DGKI: variants seen among roughly 807,000 people sequenced by gnomAD.
The protein encoded by DGKI is DAG kinase iota.
In DGKI, 55 loss-of-function variants were observed where a neutral mutation model predicts 147.5. The observed-to-expected ratio is 0.37, with a 90% confidence interval of 0.30 to 0.47. The LOEUF (loss-of-function observed/expected upper bound fraction) is 0.47, where lower values mean the gene tolerates loss of function less well. Ranked by LOEUF, DGKI falls within the 20% of genes least tolerant of loss-of-function variation. The pLI is 1.00. For synonymous variants in DGKI, 469 were observed against 477.1 expected, an observed-to-expected ratio of 0.98 and a Z score of 0.22; for missense variants, 1,007 against 1,323.8, an observed-to-expected ratio of 0.76 and a Z score of 3.71.
chr7:137,789,709 C>G (rs1324815726), intron 1 of DGKI, among the ~76,000 whole-genome samples: 1 of 152,190 alleles, frequency 6.6e-6, no homozygotes, highest in African/African-American at 2.4e-5. Context: ...ACAAGAACCA[C>G]AGTCAGAACG....
chr7:137,519,574 C>A lies in DGKI; in HGVS notation c.2248+2292G>T, dbSNP rs116059688. ...GTCCCTTTTATCTAGATGTGTTGTG[C>A]AAATTTCACTTAATTAATGCTTCTG... is the stretch of plus-strand genomic sequence containing the variant. On this transcript the variant is annotated intron_variant, in intron 21 of 32. Coordinates refer to ENST00000614521, the MANE Select transcript of DGKI (RefSeq NM_001321708.2). Among the ~76,000 whole-genome samples the A allele has an allele frequency of 4.0e-3, 605 of 152,090 alleles. 3 individuals carry two copies. Among genetic ancestry groups the A allele is most frequent in the African/African-American group, 0.014 (570 of 41,526 alleles).
At chr7:137,593,898 C>T (rs1271141254) in intron 12 of DGKI, among the ~76,000 whole-genome samples, 1 of 152,150 alleles carries the variant, frequency 6.6e-6, no homozygotes, top group Non-Finnish European at 1.5e-5. Flanking sequence ...CTATAAGAAC[C>T]TTAGAGATCT....
intron 28 of DGKI, among the ~76,000 whole-genome samples, chr7:137,439,383 G>C (rs1442572253): frequency 6.6e-6 from 1 of 152,148 alleles, no homozygotes; most frequent in Non-Finnish European, 1.5e-5. Context: ...GTTCCATATG[G>C]CTGGGGAGGC....
chr7:137,634,675 C>T (rs1400640128), intron 6 of DGKI, among the ~76,000 whole-genome samples: 11 of 152,128 alleles, frequency 7.2e-5, no homozygotes, highest in Admixed American at 7.2e-4. Context: ...TATTACAGTA[C>T]CAGGTCTCTC....
intron 1 of DGKI, among the ~76,000 whole-genome samples, chr7:137,748,105 T>C (rs76332570): frequency 0.014 from 2,131 of 152,298 alleles, 53 homozygotes; most frequent in African/African-American, 0.049. Context: ...CCTATCTATA[T>C]AACATCATTT....
At chr7:137,464,489 G>A (rs963192134) in intron 26 of DGKI, among the ~76,000 whole-genome samples, 1 of 152,146 alleles carries the variant, frequency 6.6e-6, no homozygotes, top group Non-Finnish European at 1.5e-5. Flanking sequence ...GCCCCACGAA[G>A]TTGGCCTTCC....
chr7:137,471,968 T>TATAC (rs1414168029), intron 23 of DGKI, among the ~76,000 whole-genome samples: 1 of 140,728 alleles, frequency 7.1e-6, no homozygotes, highest in African/African-American at 2.6e-5. Flanking sequence ...ATATATTATA[T>TATAC]ACATGTGTAT....
At chr7:137,533,404 G>C (rs1475286078) in intron 20 of DGKI, among the ~76,000 whole-genome samples, 1 of 152,020 alleles carries the variant, frequency 6.6e-6, no homozygotes, top group African/African-American at 2.4e-5. Context: ...GAAAAAGAAA[G>C]AAAATAATGG....
intron 1 of DGKI, among the ~76,000 whole-genome samples, chr7:137,761,433 T>C (rs1442782835): frequency 6.6e-6 from 1 of 152,242 alleles, no homozygotes; most frequent in Non-Finnish European, 1.5e-5. Context: ...CACCTGGTTA[T>C]TGTGGTGATT....
At chr7:137,618,304 C>T (rs1820622360) in intron 8 of DGKI, among the ~76,000 whole-genome samples, 1 of 149,120 alleles carries the variant, frequency 6.7e-6, no homozygotes, top group Non-Finnish European at 1.5e-5. Context: ...CTGCATAAAC[C>T]CTGCACTTTG....
intron 19 of DGKI, among the ~76,000 whole-genome samples, chr7:137,555,642 AATT>A (rs1237077308): frequency 6.6e-6 from 1 of 152,192 alleles, no homozygotes; most frequent in East Asian, 1.9e-4. Flanking sequence ...ATAAGAAAGA[AATT>A]TCGTGGAAAA....
At chr7:137,745,893 T>C (rs187215944) in intron 1 of DGKI, among the ~76,000 whole-genome samples, 62 of 152,222 alleles carry the variant, frequency 4.1e-4, no homozygotes, top group African/African-American at 1.1e-3. Context: ...GCACCTCAAA[T>C]TGCAAAAATT....
chr7:137,722,477 T>C, intron 1 of DGKI: 1 of 1,610,982 alleles, frequency 6.2e-7, no homozygotes, highest in South Asian at 1.1e-5. Flanking sequence ...AGGGTGGTTT[T>C]CCTGAAGCAG....
intron 1 of DGKI, among the ~76,000 whole-genome samples, chr7:137,832,167 G>A (rs536586885): frequency 8.1e-4 from 124 of 152,296 alleles, no homozygotes; most frequent in Non-Finnish European, 1.4e-3. Flanking sequence ...GCAAGCTGTC[G>A]GTGGAACTAC....
At chr7:137,679,409 T>G (rs1038996275) in intron 2 of DGKI, among the ~76,000 whole-genome samples, 23 of 151,828 alleles carry the variant, frequency 1.5e-4, no homozygotes, top group Non-Finnish European at 2.4e-4. Flanking sequence ...AAACTGTTTT[T>G]TTTTTTTTTT....
chr7:137,480,533 T>C (rs1161884610), intron 23 of DGKI, among the ~76,000 whole-genome samples: 4 of 151,972 alleles, frequency 2.6e-5, no homozygotes, highest in East Asian at 1.9e-4. Context: ...AGAGCAGGCA[T>C]GTAGGAACAA....
chr7:137,525,612 G>T (rs920157532), intron 20 of DGKI, among the ~76,000 whole-genome samples: 1 of 152,056 alleles, frequency 6.6e-6, no homozygotes, highest in Non-Finnish European at 1.5e-5. Context: ...TTTCCTCATA[G>T]GTAAAGTGGA....
At chr7:137,582,932 A>T (rs905344482) in intron 14 of DGKI, among the ~76,000 whole-genome samples, 1 of 152,188 alleles carries the variant, frequency 6.6e-6, no homozygotes, top group South Asian at 2.1e-4. Flanking sequence ...TTTGTGTCCC[A>T]AATTGAACTG....
At chr7:137,632,426 C>T (rs1821152970) in intron 6 of DGKI, among the ~76,000 whole-genome samples, 1 of 152,198 alleles carries the variant, frequency 6.6e-6, no homozygotes, top group East Asian at 1.9e-4. Flanking sequence ...AAAGGACCTA[C>T]ATCCATTAAC....
Sources: allele counts gnomAD v4.1 joint callset (sites outside exome capture counted in the v4.1 genomes callset), GRCh38; gene constraint gnomAD v4.1.1; transcripts MANE v1.5; gene names NCBI Gene and HGNC (gene_info 2026-07-23, HGNC 2026-07-21).